PAX8: variants seen among roughly 807,000 people sequenced by gnomAD.
PAX8 encodes the protein paired box protein Pax-8.
PAX8 carries 15 observed loss-of-function variants against 52.4 expected under a neutral mutation model. The ratio of observed to expected loss-of-function variants is 0.29; its 90% CI spans 0.19 to 0.44. The LOEUF is 0.44. Ranked by LOEUF, PAX8 falls within the 20% of genes least tolerant of loss-of-function variation. The pLI is 1.00. For missense variants in PAX8, 554 were observed against 602.5 expected, an observed-to-expected ratio of 0.92 and a Z score of 0.84; for synonymous variants, 284 against 249.7, an observed-to-expected ratio of 1.14 and a Z score of -1.29.
chr2:113,242,675 T>A lies in PAX8; in HGVS notation c.478+15A>T. On this transcript the variant is annotated intron_variant, in intron 5 of 11. Transcript: ENST00000429538. Reference sequence around the variant, plus strand: ...ACACGAGCATGTGTGTGTATCCAGGTCTCTCAGCACTCACTCAGCGTGTGT... The same window carrying A: ...ACACGAGCATGTGTGTGTATCCAGGACTCTCAGCACTCACTCAGCGTGTGT... 6.3e-7 allele frequency: 1 copy of A among 1,578,996 alleles called. No homozygotes were observed. Among genetic ancestry groups the A allele is most frequent in the Non-Finnish European group, 8.7e-7 (1 of 1,148,098 alleles).
intron 10 of PAX8, chr2:113,225,816 G>A (rs1161784440): frequency 1.5e-6 from 1 of 652,866 alleles, no homozygotes; most frequent in African/African-American, 2.0e-5. Context: ...GGGGTTGGAA[G>A]GGGAATGGGG....
chr2:113,239,083 T>C (rs1012336769), intron 7 of PAX8: 1 of 151,860 alleles, frequency 6.6e-6, no homozygotes, highest in Non-Finnish European at 1.5e-5. Context: ...TTTTTTTTTT[T>C]TTCAGATGGA....
intron 2 of PAX8, chr2:113,276,117 G>C (rs1252064749): frequency 6.6e-6 from 1 of 152,188 alleles, no homozygotes; most frequent in Non-Finnish European, 1.5e-5. Flanking sequence ...TGGGGAAAAG[G>C]GGGAACCTGC....
At chr2:113,244,725 G>C in intron 3 of PAX8, 101 bp from the exon 4 acceptor site, 3 of 1,087,024 alleles carry the variant, frequency 2.8e-6, no homozygotes, top group South Asian at 2.5e-5. Context: ...CTTCTGGGTA[G>C]GGGTATGAGA....
At chr2:113,235,644 A>G (rs1044260794) in intron 8 of PAX8, 62 bp from the exon 9 acceptor site, 1 of 1,387,918 alleles carries the variant, frequency 7.2e-7, no homozygotes, top group Non-Finnish European at 9.9e-7. Context: ...GGGAACACGC[A>G]CAAGCCAAGC....
At chr2:113,224,694 T>G (rs1689449438) in intron 10 of PAX8, among the ~76,000 whole-genome samples, 2 of 150,300 alleles carry the variant, frequency 1.3e-5, no homozygotes, top group South Asian at 4.2e-4. Context: ...GATGAATGAG[T>G]GGAAAGATAG....
At position 113,277,952 on chromosome 2, in the gene PAX8, G is replaced by C. The variant is rs555731151; in HGVS notation, c.25+418C>G. On this transcript the variant is annotated intron_variant, in intron 2 of 11. Coordinates refer to ENST00000429538, the MANE Select transcript of PAX8 (RefSeq NM_003466.4). ...ACAGTCCAGCCAGGGGAGTCACTGG[G>C]AAGGACTGCGCGCACCCGAGGAAGA... Among the ~76,000 whole-genome samples the C allele has an allele frequency of 2.4e-4, 36 of 152,230 alleles. No homozygotes were observed. The East Asian group carries it at 6.8e-3, about 29-fold the overall frequency.
chr2:113,236,678 C>T lies in PAX8; in HGVS notation c.821G>A (p.Gly274Glu), dbSNP rs1275690866. 6.3e-7 allele frequency: 1 copy of T among 1,589,230 alleles called. No homozygotes were observed. The highest frequency in any genetic ancestry group is 1.8e-5 in the Admixed American group (1 of 56,240). ...GTTGGAAGGGGTCAGGGTGGCCTTC[C>T]CGTCGTCCAGGGTGCTGTTGAGCAA... ...LPLLNSTLDD[G>E]KATLTPSNTP... The change falls in exon 8 of 12, where the codon GGG becomes GAG. Residue 274 changes from glycine to glutamate, a missense_variant. Physicochemically the swap from Gly to Glu is moderately conservative, Grantham distance 98. Coordinates refer to ENST00000429538, the MANE Select transcript of PAX8 (RefSeq NM_003466.4).
chr2:113,262,749 T>C (rs531098840), intron 2 of PAX8, among the ~76,000 whole-genome samples: 2 of 152,294 alleles, frequency 1.3e-5, no homozygotes, highest in South Asian at 4.1e-4. Context: ...ATCAGAGTTA[T>C]GCTGTCACAA....
chr2:113,221,281 A>AC (rs201296196), intron 10 of PAX8, among the ~76,000 whole-genome samples: 2,783 of 152,284 alleles, frequency 0.018, 99 homozygotes, highest in African/African-American at 0.063. Flanking sequence ...ATTCCTGCCA[A>AC]CCCTGAGACT....
intron 10 of PAX8, among the ~76,000 whole-genome samples, chr2:113,220,750 TAA>T (rs1416808820): frequency 6.6e-6 from 1 of 152,028 alleles, no homozygotes; most frequent in African/African-American, 2.4e-5. Flanking sequence ...GTGTGAGGGT[TAA>T]GGATGGGAGA....
At chr2:113,247,127 C>G (rs1016084096) in intron 2 of PAX8, among the ~76,000 whole-genome samples, 4 of 152,256 alleles carry the variant, frequency 2.6e-5, no homozygotes, top group Non-Finnish European at 5.9e-5. Flanking sequence ...GCTCATCCCC[C>G]ACGATGGGAT....
In PAX8 at chr2:113,242,145, A is replaced by G; in HGVS notation, c.479-15T>C. Reference sequence around the variant, plus strand: ...TGAGCTGGGGACTGCAGTGGGGGAGAGGGAGAGGGTCAGGGGTGGGAGTGA... The same window carrying G: ...TGAGCTGGGGACTGCAGTGGGGGAGGGGGAGAGGGTCAGGGGTGGGAGTGA... On this transcript the variant is annotated splice_polypyrimidine_tract_variant and intron_variant, in intron 5 of 11. Transcript: ENST00000429538. 1 of 1,600,220 alleles carries G rather than the reference A, an allele frequency of 6.2e-7. No individual in the cohort carries two copies. Among genetic ancestry groups the G allele is most frequent in the East Asian group, 2.3e-5 (1 of 44,026 alleles).
At chr2:113,251,077 A>T (rs75191573) in intron 2 of PAX8, among the ~76,000 whole-genome samples, 5,650 of 152,294 alleles carry the variant, frequency 0.037, 130 homozygotes, top group African/African-American at 0.062. Context: ...AGGAAAGAGA[A>T]TTTGGAAAGA....
Position 113,216,619 on chromosome 2 carries a change from G to C in PAX8, c.*1914C>G, listed in dbSNP as rs874898. ...TTCCTGGAGGTGGTTGGCCTAAAGT[G>C]CTAAGTCTCTACAGCCTCCCTCACC... On this transcript the variant is annotated 3_prime_UTR_variant, in exon 12 of 12. Transcript: ENST00000429538. The C allele has an allele frequency of 0.3, 69,137 of 227,480 alleles. 11,511 individuals are homozygous for C. Among genetic ancestry groups the C allele is most frequent in the African/African-American group, 0.47 (21,234 of 44,994 alleles). The allele number at this position is 227,480 out of a possible 1,614,324, so 14.1% of individuals were successfully genotyped here. A position where few individuals can be genotyped will look rare whatever the true frequency, so the allele number is the denominator to read the frequency against.
intron 11 of PAX8, among the ~76,000 whole-genome samples, chr2:113,219,676 C>A (rs374322648): frequency 2.0e-5 from 3 of 152,334 alleles, no homozygotes; most frequent in East Asian, 3.9e-4. Context: ...TTGAAACTGG[C>A]TCCCAGGAAG....
intron 2 of PAX8, among the ~76,000 whole-genome samples, chr2:113,260,178 A>G (rs183021852): frequency 1.6e-4 from 25 of 152,334 alleles, no homozygotes; most frequent in Non-Finnish European, 2.5e-4. Flanking sequence ...CTTGCCCTTG[A>G]GAAACTTACA....
At chr2:113,240,976 C>T (rs1690776920) in intron 7 of PAX8, 2 of 190,574 alleles carry the variant, frequency 1.0e-5, no homozygotes, top group East Asian at 1.3e-4. Flanking sequence ...GTCGGAGGGG[C>T]AGGGGAGGAC....
intron 8 of PAX8, chr2:113,235,848 C>G: frequency 2.1e-6 from 1 of 484,514 alleles, no homozygotes; most frequent in Non-Finnish European, 3.7e-6. Flanking sequence ...CAGGAGGGAG[C>G]GCGGAGACCC....
Sources: gnomAD v4.1 joint callset for allele counts (sites outside exome capture counted in the v4.1 genomes callset) on GRCh38, gnomAD v4.1.1 for gene constraint, MANE v1.5 for transcripts, NCBI Gene and HGNC (gene_info 2026-07-23, HGNC 2026-07-21) for gene names.